Variants in LTB4R2 observed in about 807,000 individuals in gnomAD.
LTB4R2 encodes the protein leukotriene B4 receptor 2.
In LTB4R2, 6 loss-of-function variants were observed where a neutral mutation model predicts 5.3. That is an observed-to-expected ratio of 1.14 (90% CI 0.62 to 2.24). The LOEUF (loss-of-function observed/expected upper bound fraction) is 2.24, where lower values mean the gene tolerates loss of function less well. LTB4R2 is among the 30% of genes most tolerant of loss of function. The pLI is 0.00. For missense variants in LTB4R2, 560 were observed against 521.5 expected (o/e 1.07, Z -0.72); for synonymous variants, 310 against 264.2 (o/e 1.17, Z -1.68).
In LTB4R2 at chr14:24,311,796, C is replaced by T. The variant is rs2041714507; in HGVS notation, c.*55C>T. The T allele has an allele frequency of 3.5e-6, 5 of 1,433,718 alleles. No individual in the cohort carries two copies. The highest frequency in any genetic ancestry group is 2.5e-5 in the Admixed American group (1 of 40,518). The allele number at this position is 1,433,718 out of a possible 1,614,324, so 88.8% of individuals were successfully genotyped here. A position where few individuals can be genotyped will look rare whatever the true frequency, so the allele number is the denominator to read the frequency against. ...CTGTCCCTTTCCACCCCCCACCCAC[C>T]CTCCAGAGGTCAGTGTTCTGGGACA... On this transcript the variant is annotated 3_prime_UTR_variant, in exon 2 of 2. Coordinates refer to ENST00000533293, the MANE Select transcript of LTB4R2 (RefSeq NM_019839.5).
chr14:24,310,576 C>T (rs2041658174), intron 1 of LTB4R2, 79 bp from the exon 2 acceptor site: 1 of 1,353,152 alleles, frequency 7.4e-7, no homozygotes, highest in South Asian at 1.2e-5. Context: ...GGAGGCATGG[C>T]ACCTTCTCAT....
At position 24,311,783 on chromosome 14, in the gene LTB4R2, A is replaced by T; in HGVS notation, c.*42A>T. The T allele has an allele frequency of 6.8e-7, 1 of 1,478,522 alleles. No homozygotes were observed. Among genetic ancestry groups the T allele is most frequent in the Non-Finnish European group, 9.1e-7 (1 of 1,100,138 alleles). The allele number at this position is 1,478,522 out of a possible 1,614,324, so 91.6% of individuals were successfully genotyped here. On this transcript the variant is annotated 3_prime_UTR_variant, in exon 2 of 2. Transcript: ENST00000533293. ...CTGCTGCCCTTCCCTGTCCCTTTCCACCCCCCACCCACCCTCCAGAGGTCA... is the reference window on the plus strand; with the variant it reads ...CTGCTGCCCTTCCCTGTCCCTTTCCTCCCCCCACCCACCCTCCAGAGGTCA...
chr14:24,311,556 CG>C lies in LTB4R2; in HGVS notation c.895del (p.Ala299GlnfsTer35), dbSNP rs777205034. 1.2e-6 allele frequency: 2 copies of C among 1,608,354 alleles called. No homozygotes were observed. The highest frequency in any genetic ancestry group is 1.7e-6 in the Non-Finnish European group (2 of 1,180,014). On this transcript the variant is annotated frameshift_variant, in exon 2 of 2. Coordinates refer to ENST00000533293, the MANE Select transcript of LTB4R2 (RefSeq NM_019839.5). LOFTEE classifies it high-confidence loss of function. ...CTTCACCGCTGGAGATCTGCTGCCC[CG>C]GGCAGGTCCCCGTTTCCTCACGCGG... ...YVFTAGDLLP[R>X]AGPRFLTRLF...
chr14:24,311,698 C>G lies in LTB4R2; in HGVS notation c.1034C>G (p.Pro345Arg), dbSNP rs776884216. 2.5e-6 allele frequency: 4 copies of G among 1,605,826 alleles called. No homozygotes were observed. The Admixed American group carries it at 5.1e-5, about 20-fold the overall frequency. Residue 345 changes from proline to arginine, a missense_variant, in exon 2 of 2, where the codon CCG (proline) becomes CGG (arginine). By Grantham distance (103) the Pro-to-Arg change is moderately radical. Transcript: ENST00000533293. ...VVGQGRGNGD[P>R]GGGMEKDGPE... ...GGGCAGGGCCGCGGCAATGGAGACC[C>G]GGGGGGTGGGATGGAGAAGGACGGT...
chr14:24,311,045 C>T lies in LTB4R2; in HGVS notation c.381C>T (p.Phe127=). 1 of 1,577,002 alleles carries T rather than the reference C, an allele frequency of 6.3e-7. No homozygotes were observed. Among genetic ancestry groups the T allele is most frequent in the Non-Finnish European group, 8.5e-7 (1 of 1,170,992 alleles). The change falls in exon 2 of 2, where the codon TTC becomes TTT. Residue 127 remains phenylalanine (F), a synonymous_variant. Transcript: ENST00000533293. ...GCTGCCTCGCAGTCACCCGCCCCTT[C>T]CTGGCGCCTCGGCTGCGCAGCCCGG... The part of the protein sequence containing the change: ...LQRCLAVTRP[F]LAPRLRSPAL...
chr14:24,310,572 A>T, intron 1 of LTB4R2, 83 bp from the exon 2 acceptor site: 1 of 1,331,736 alleles, frequency 7.5e-7, no homozygotes, highest in Non-Finnish European at 1.1e-6. Context: ...AGGAGGAGGC[A>T]TGGCACCTTC....
At chr14:24,310,624 G>A (rs758907529) in intron 1 of LTB4R2, 31 bp from the exon 2 acceptor site, 1 of 1,606,536 alleles carries the variant, frequency 6.2e-7, no homozygotes, top group South Asian at 1.1e-5. Flanking sequence ...ACCCCTGAAC[G>A]CCCTCTGTGG....
In LTB4R2 at chr14:24,311,506, C is replaced by G. The variant is rs1385952122; in HGVS notation, c.842C>G (p.Ser281Cys). Residue 281 changes from serine (S) to cysteine (C), a missense_variant, in exon 2 of 2, where the codon TCT (serine) becomes TGT (cysteine). Transcript: ENST00000533293. Reference sequence around the variant, plus strand: ...ACTACGGCCTTGGCCTTCTTCAGTTCTAGCGTCAACCCGGTGCTCTACGTC... The same window carrying G: ...ACTACGGCCTTGGCCTTCTTCAGTTGTAGCGTCAACCCGGTGCTCTACGTC... ...AGTTALAFFS[S>C]SVNPVLYVFT... 5 of 1,602,464 alleles carry G rather than the reference C, an allele frequency of 3.1e-6. No homozygotes were observed. Among genetic ancestry groups the G allele is most frequent in the Non-Finnish European group, 4.2e-6 (5 of 1,179,986 alleles).
At position 24,311,326 on chromosome 14, in the gene LTB4R2, G is replaced by A. The variant is rs562644365; in HGVS notation, c.662G>A (p.Arg221Gln). The A allele has an allele frequency of 8.1e-6, 13 of 1,600,772 alleles. No homozygotes were observed. The East Asian group carries it at 2.7e-4, about 33-fold the overall frequency. The change falls in exon 2 of 2, where the codon CGG (arginine) becomes CAG (glutamine). Residue 221 changes from arginine (R) to glutamine (Q), a missense_variant. Physicochemically the swap from Arg to Gln is conservative, Grantham distance 43 (BLOSUM62 1). Coordinates refer to ENST00000533293, the MANE Select transcript of LTB4R2 (RefSeq NM_019839.5). ...ARWGSGRHGA[R>Q]VGRLVSAIVL... ...TGGGGCTCCGGGCGGCACGGGGCGCGGGTGGGCCGGCTGGTGAGCGCCATC... is the reference window on the plus strand; with the variant it reads ...TGGGGCTCCGGGCGGCACGGGGCGCAGGTGGGCCGGCTGGTGAGCGCCATC...
chr14:24,310,625 C>T, intron 1 of LTB4R2, 30 bp from the exon 2 acceptor site: 4 of 1,608,654 alleles, frequency 2.5e-6, no homozygotes, highest in Non-Finnish European at 3.4e-6. Context: ...CCCCTGAACG[C>T]CCTCTGTGGC....
rs969265688 is a variant in LTB4R2, at chr14:24,310,939, C to T, written c.275C>T (p.Ala92Val). ...CGGCAGGCCTGGCCGCTGGGCCAGG[C>T]GGGCTGCAAGGCGGTGTACTACGTG... ...LTRQAWPLGQ[A>V]GCKAVYYVCA... Residue 92 changes from alanine (A) to valine (V), a missense_variant, in exon 2 of 2, where the codon GCG becomes GTG. Ala to Val is a moderately conservative substitution (Grantham distance 64, BLOSUM62 0). Coordinates refer to ENST00000533293, the MANE Select transcript of LTB4R2 (RefSeq NM_019839.5). 2 of 1,590,980 alleles carry T rather than the reference C, an allele frequency of 1.3e-6. No individual in the cohort carries two copies. Among genetic ancestry groups the T allele is most frequent in the Non-Finnish European group, 1.7e-6 (2 of 1,176,640 alleles).
rs1483213547 is a variant in LTB4R2 at position 24,310,266 on chromosome 14, C to G, written c.-11+11C>G. 1 of 537,816 alleles carries G rather than the reference C, an allele frequency of 1.9e-6. No homozygotes were observed. Among genetic ancestry groups the G allele is most frequent in the African/African-American group, 1.9e-5 (1 of 52,514 alleles). The allele number at this position is 537,816 out of a possible 1,614,324, so 33.3% of individuals were successfully genotyped here. ...CTTGCTCCCAGCTTGGTAAGTAGAT[C>G]TGTGCACGTCCCTTTACACCCCACC... On this transcript the variant is annotated intron_variant, in intron 1 of 1. Transcript: ENST00000533293.
Position 24,311,896 on chromosome 14 carries a change from T to G in LTB4R2, c.*155T>G. The G allele has an allele frequency of 1.5e-6, 1 of 683,726 alleles. No individual in the cohort carries two copies. The highest frequency in any genetic ancestry group is 3.1e-5 in the Admixed American group (1 of 32,458). The allele number at this position is 683,726 out of a possible 1,614,324, so 42.4% of individuals were successfully genotyped here. A position where few individuals can be genotyped will look rare whatever the true frequency, so the allele number is the denominator to read the frequency against. On this transcript the variant is annotated 3_prime_UTR_variant, in exon 2 of 2. Transcript: ENST00000533293. ...CTATACACTTGGGGCAGGCCCAGGC[T>G]CCTCCAAACTGAGGGATTATGAGGG...
rs2041695319 is a variant in LTB4R2, at chr14:24,311,290, G to A, written c.626G>A (p.Arg209Gln). The A allele has an allele frequency of 1.9e-6, 3 of 1,589,946 alleles. No individual in the cohort carries two copies. Among genetic ancestry groups the A allele is most frequent in the Middle Eastern group, 1.7e-4 (1 of 6,008 alleles). Residue 209 changes from arginine to glutamine, a missense_variant, in exon 2 of 2, where the codon CGG becomes CAG. Physicochemically the swap from Arg to Gln is conservative, Grantham distance 43 (BLOSUM62 1). Coordinates refer to ENST00000533293, the MANE Select transcript of LTB4R2 (RefSeq NM_019839.5). ...TACAGCGTGACGCTGGCACGGCTGC[G>A]GGGCGCCCGCTGGGGCTCCGGGCGG... ...GCYSVTLARL[R>Q]GARWGSGRHG... is the part of the protein sequence containing the mutation.
Position 24,311,276 on chromosome 14 carries a change from G to A in LTB4R2, c.612G>A (p.Thr204=), listed in dbSNP as rs1356692533. ...TGATGCTCGGCTGCTACAGCGTGAC[G>A]CTGGCACGGCTGCGGGGCGCCCGCT... ...FGLMLGCYSV[T]LARLRGARWG... The change falls in exon 2 of 2, where the codon ACG becomes ACA. Residue 204 remains threonine, a synonymous_variant. Transcript: ENST00000533293. 2 of 1,594,120 alleles carry A rather than the reference G, an allele frequency of 1.3e-6. No individual in the cohort carries two copies. The highest frequency in any genetic ancestry group is 2.3e-5 in the East Asian group (1 of 44,036).
intron 1 of LTB4R2, 105 bp downstream of exon 1, chr14:24,310,360 T>C: frequency 1.7e-6 from 1 of 606,050 alleles, no homozygotes; most frequent in Middle Eastern, 4.3e-4. Flanking sequence ...AGAGGAGTGG[T>C]GGTAGAGATA....
rs2041701745 is a variant in LTB4R2, at chr14:24,311,427, CCGGAAG to C, written c.764_769del (p.Pro255_Gly257delinsArg). 7.5e-6 allele frequency: 12 copies of C among 1,601,154 alleles called. 1 individual carries two copies. The highest frequency in any genetic ancestry group is 9.3e-6 in the Non-Finnish European group (11 of 1,179,770). On this transcript the variant is annotated inframe_deletion, in exon 2 of 2. Transcript: ENST00000533293. ...GCAGGCGGTCGCAGCGCTGGCTCCA[CCGGAAG>C]GGGCCTTGGCGAAGCTGGGCGGAGC...
In LTB4R2 at chr14:24,311,820, C is replaced by T; in HGVS notation, c.*79C>T. 1.6e-6 allele frequency: 2 copies of T among 1,275,192 alleles called. No homozygotes were observed. The highest frequency in any genetic ancestry group is 4.4e-4 in the Middle Eastern group (2 of 4,528). The allele number at this position is 1,275,192 out of a possible 1,614,324, so 79.0% of individuals were successfully genotyped here. ...CCCTCCAGAGGTCAGTGTTCTGGGA[C>T]ATTTGGGGACCCTTCTTTGACTAGA... On this transcript the variant is annotated 3_prime_UTR_variant, in exon 2 of 2. Transcript: ENST00000533293.
chr14:24,311,517 C>G lies in LTB4R2; in HGVS notation c.853C>G (p.Pro285Ala). Residue 285 changes from proline (P) to alanine (A), a missense_variant, in exon 2 of 2, where the codon CCG becomes GCG. Transcript: ENST00000533293. ...GGCCTTCTTCAGTTCTAGCGTCAAC[C>G]CGGTGCTCTACGTCTTCACCGCTGG... ...ALAFFSSSVN[P>A]VLYVFTAGDL... The G allele has an allele frequency of 6.2e-7, 1 of 1,603,332 alleles. No homozygotes were observed. Among genetic ancestry groups the G allele is most frequent in the Non-Finnish European group, 8.5e-7 (1 of 1,179,988 alleles).
Sources: gnomAD v4.1 joint callset for allele counts on GRCh38, gnomAD v4.1.1 for gene constraint, MANE v1.5 for transcripts, NCBI Gene and HGNC (gene_info 2026-07-23, HGNC 2026-07-21) for gene names.